The following HR variants were observed in gnomAD, a reference collection of about 807,000 sequenced individuals.
HR encodes the protein lysine-specific demethylase hairless.
HR carries 83 observed loss-of-function variants against 128.6 expected under a neutral mutation model. The ratio of observed to expected loss-of-function variants is 0.65; its 90% CI spans 0.54 to 0.77. The LOEUF is 0.77. HR is among the 30% of genes least tolerant of loss of function. HR has a pLI of 0.00. For missense variants in HR, 1,490 were observed against 1,574.6 expected (o/e 0.95, Z 0.91); for synonymous variants, 681 against 658.2 (o/e 1.03, Z -0.53).
At position 22,127,602 on chromosome 8, in the gene HR, G is replaced by A. The variant is rs188255874; in HGVS notation, c.840C>T (p.Pro280=). ...QPDTVPWTSW[P]ACPPGLVHTL... ...TATGAACAAGGCCTGGGGGACAAGC[G>A]GGCCAGGAGGTCCAGGGCACAGTGT... Residue 280 remains proline (P), a synonymous_variant, in exon 3 of 19, where the codon CCC becomes CCT. Transcript: ENST00000381418. The A allele has an allele frequency of 3.5e-5, 56 of 1,611,578 alleles. 1 individual carries two copies. The highest frequency in any genetic ancestry group is 4.4e-5 in the Non-Finnish European group (52 of 1,179,696).
chr8:22,129,854 T>G (rs1023485837), intron 1 of HR, among the ~76,000 whole-genome samples: 4 of 152,194 alleles, frequency 2.6e-5, no homozygotes, highest in Admixed American at 2.6e-4. Flanking sequence ...CCCAGAGCCC[T>G]GCAGTTTCTC....
Position 22,116,597 on chromosome 8 carries a change from G to A in HR, c.3379-169C>T, listed in dbSNP as rs542773229. ...CACCTCAAAGCCTGTGGCCAAAACCGGGACTCAGAACTGCTGGAGAGACCC... is the reference window on the plus strand; with the variant it reads ...CACCTCAAAGCCTGTGGCCAAAACCAGGACTCAGAACTGCTGGAGAGACCC... On this transcript the variant is annotated intron_variant, in intron 17 of 18. Transcript: ENST00000381418. The surrounding 1 kb of genome is among the most constrained non-coding windows in gnomAD (Gnocchi z 4.2). Among the ~76,000 whole-genome samples the A allele has an allele frequency of 1.3e-4, 19 of 150,136 alleles. No individual in the cohort carries two copies. In the South Asian group the frequency reaches 1.9e-3, roughly 15 times the overall value.
intron 9 of HR, 78 bp downstream of exon 9, chr8:22,121,535 C>T (rs979175945): frequency 1.1e-5 from 17 of 1,482,696 alleles, no homozygotes; most frequent in East Asian, 6.8e-5. Context: ...CGGAGACTTC[C>T]GCGACTGTCC....
intron 1 of HR, 50 bp downstream of exon 1, chr8:22,130,377 CA>C (rs1383624805): frequency 6.6e-6 from 1 of 152,276 alleles, no homozygotes; most frequent in African/African-American, 2.4e-5. Flanking sequence ...AGGCTCGGCT[CA>C]GAAATCCCCC....
Position 22,116,967 on chromosome 8 carries a change from G to T in HR, c.3286C>A (p.Arg1096=), listed in dbSNP as rs750797721. Reference sequence around the variant, plus strand: ...ACGCCCCACTCCTCCCGCAGGCGCCGCCGCAGCCCTGCATCCAGGTAGCAG... The same window carrying T: ...ACGCCCCACTCCTCCCGCAGGCGCCTCCGCAGCCCTGCATCCAGGTAGCAG... ...GSCYLDAGLR[R]RLREEWGVSC... is the part of the protein sequence containing the mutation. The change falls in exon 17 of 19, where the codon CGG becomes AGG. Residue 1096 remains arginine (R), a synonymous_variant. Coordinates refer to ENST00000381418, the MANE Select transcript of HR (RefSeq NM_005144.5). The surrounding 1 kb of genome is among the most constrained non-coding windows in gnomAD (Gnocchi z 4.2). 1 of 1,536,984 alleles carries T rather than the reference G, an allele frequency of 6.5e-7. No individual in the cohort carries two copies.
Position 22,115,708 on chromosome 8 carries a change from C to A in HR, c.3562G>T (p.Ala1188Ser). Residue 1188 changes from alanine to serine, a missense_variant, in exon 19 of 19, where the codon GCC (alanine) becomes TCC (serine). Ala to Ser is a moderately conservative substitution (Grantham distance 99, BLOSUM62 1). Transcript: ENST00000381418. ...VKVAVGTLQE[A>S]K ...AGACACCTAGCATCCCTCTATTTGG[C>A]CTCCTGTAATGTCCCCACGGCCACC... 6.2e-7 allele frequency: 1 copy of A among 1,613,934 alleles called. No homozygotes were observed. Among genetic ancestry groups the A allele is most frequent in the Non-Finnish European group, 8.5e-7 (1 of 1,179,954 alleles).
At chr8:22,123,617 T>TGGGGGGGCG in intron 6 of HR, 32 bp downstream of exon 6, 5 of 292,086 alleles carry the variant, frequency 1.7e-5, no homozygotes, top group Non-Finnish European at 3.1e-5. Context: ...GAGGGCTCCA[T>TGGGGGGGCG]CCCGCCCTCC....
At chr8:22,128,237 A>G in intron 2 of HR, 1 of 526,212 alleles carries the variant, frequency 1.9e-6, no homozygotes, top group Non-Finnish European at 3.4e-6. Flanking sequence ...TCTCAGATAG[A>G]GGGCCCTTGT....
intron 16 of HR, chr8:22,118,708 C>T: frequency 1.7e-6 from 1 of 577,350 alleles, no homozygotes; most frequent in South Asian, 2.1e-5. Context: ...GCAGCTGGTG[C>T]TCTCATTTCA....
rs1408088616 is a variant in HR at position 22,127,343 on chromosome 8, C to T, written c.1099G>A (p.Gly367Ser). The part of the protein sequence containing the change: ...EPSEEVNKAS[G>S]PRACPPSHHT... ...TGGCTGGGGGGACAGGCCCTGGGGC[C>T]AGAGGCCTTGTTCACTTCCTCGCTG... is the stretch of plus-strand genomic sequence containing the variant. The change falls in exon 3 of 19, where the codon GGC (glycine) becomes AGC (serine). Residue 367 changes from glycine to serine, a missense_variant. Coordinates refer to ENST00000381418, the MANE Select transcript of HR (RefSeq NM_005144.5). 2.5e-6 allele frequency: 4 copies of T among 1,613,292 alleles called. No homozygotes were observed. The highest frequency in any genetic ancestry group is 3.3e-4 in the Middle Eastern group (2 of 6,084).
chr8:22,121,782 T>G (rs988266777), intron 8 of HR, 88 bp from the exon 9 acceptor site: 20 of 1,303,872 alleles, frequency 1.5e-5, no homozygotes, highest in Non-Finnish European at 2.2e-5. Flanking sequence ...GAATGAACAA[T>G]GGACTCTTGT....
chr8:22,123,004 T>A, intron 6 of HR, 125 bp from the exon 7 acceptor site: 1 of 840,180 alleles, frequency 1.2e-6, no homozygotes. Context: ...TCGTGCTTTC[T>A]GGGAAACCTG....
Position 22,129,120 on chromosome 8 carries a change from C to T in HR, c.51G>A (p.Thr17=), listed in dbSNP as rs761957208. ...FLKGTPTWEK[T]APENGIVRQE... is the part of the protein sequence containing the mutation. ...GTCTCACGATGCCGTTCTCTGGGGC[C>T]GTCTTCTCCCAGGTTGGGGTGCCCT... Residue 17 remains threonine, a synonymous_variant, in exon 2 of 19, where the codon ACG becomes ACA. Coordinates refer to ENST00000381418, the MANE Select transcript of HR (RefSeq NM_005144.5). The T allele has an allele frequency of 2.3e-5, 36 of 1,563,174 alleles. No individual in the cohort carries two copies. Among genetic ancestry groups the T allele is most frequent in the African/African-American group, 4.1e-5 (3 of 73,144 alleles).
intron 15 of HR, 22 bp downstream of exon 15, chr8:22,119,142 C>T (rs767203456): frequency 6.2e-7 from 1 of 1,613,798 alleles, no homozygotes; most frequent in Non-Finnish European, 8.5e-7. Context: ...GTCCCCGCTC[C>T]TGCCTCTGGC....
At chr8:22,119,611 A>C in intron 14 of HR, 149 bp downstream of exon 14, 2 of 1,167,884 alleles carry the variant, frequency 1.7e-6, no homozygotes, top group Non-Finnish European at 2.3e-6. Context: ...CCGTCTCAAC[A>C]ACAACAAAAA....
At chr8:22,119,498 T>A (rs896905508) in intron 14 of HR, among the ~76,000 whole-genome samples, 1 of 151,500 alleles carries the variant, frequency 6.6e-6, no homozygotes, top group African/African-American at 2.4e-5. Context: ...TCCCAGCTAC[T>A]CGGGAGGCTG....
chr8:22,125,322 G>T lies in HR; in HGVS notation c.1739C>A (p.Ala580Asp). 1 of 1,580,116 alleles carries T rather than the reference G, an allele frequency of 6.3e-7. No homozygotes were observed. Among genetic ancestry groups the T allele is most frequent in the East Asian group, 2.3e-5 (1 of 43,196 alleles). Residue 580 changes from alanine (A) to aspartate (D), a missense_variant, in exon 5 of 19, where the codon GCC (alanine) becomes GAC (aspartate). Transcript: ENST00000381418. ...LRREREALAW[A>D]QREGQGPAVT... Reference sequence around the variant, plus strand: ...GAGGTCCTGTTCACCTTCCCGCTGGGCCCAAGCCAGGGCCTCCCGCTCCCT... The same window carrying T: ...GAGGTCCTGTTCACCTTCCCGCTGGTCCCAAGCCAGGGCCTCCCGCTCCCT...
chr8:22,128,987 G>A lies in HR; in HGVS notation c.184C>T (p.Pro62Ser), dbSNP rs137929972. The A allele has an allele frequency of 6.2e-7, 1 of 1,613,202 alleles. No individual in the cohort carries two copies. Among genetic ancestry groups the A allele is most frequent in the Admixed American group, 1.7e-5 (1 of 60,010 alleles). ...GVLSTPDSWL[P>S]PGFPQGPKDM... The stretch of plus-strand genomic sequence containing the variant: ...TTGGGGCCCTGGGGGAAGCCAGGGG[G>A]AAGCCAGGAGTCTGGGGTGCTCAGG... Residue 62 changes from proline to serine, a missense_variant, in exon 2 of 19, where the codon CCC becomes TCC. Transcript: ENST00000381418.
At position 22,116,753 on chromosome 8, in the gene HR, C is replaced by T. The variant is rs75100696; in HGVS notation, c.3378+122G>A. 6.7e-3 allele frequency: 8,897 copies of T among 1,333,326 alleles called. 76 individuals are homozygous for T. Among genetic ancestry groups the T allele is most frequent in the African/African-American group, 0.034 (2,357 of 69,212 alleles). 82.6% of individuals were successfully genotyped at this position (1,333,326 alleles called of 1,614,324 possible). A position where few individuals can be genotyped will look rare whatever the true frequency, so the allele number is the denominator to read the frequency against. ...CCCCGTTATCTCTTCCCCACAGCAG[C>T]GTGCGGCTCCCTGCCCTGCCCGGCT... On this transcript the variant is annotated intron_variant, in intron 17 of 18. Transcript: ENST00000381418. This position sits in a 1 kb window ranked among gnomAD's most constrained non-coding sequence, Gnocchi z 4.2.
Sources: allele counts gnomAD v4.1 joint callset (sites outside exome capture counted in the v4.1 genomes callset), GRCh38; gene constraint gnomAD v4.1.1; non-coding constraint Gnocchi (gnomAD v3.1); transcripts MANE v1.5; gene names NCBI Gene and HGNC (gene_info 2026-07-23, HGNC 2026-07-21).